ZMAT4: variants seen among roughly 807,000 people sequenced by gnomAD.
The protein encoded by ZMAT4 is zinc finger matrin-type protein 4.
ZMAT4 carries 17 observed loss-of-function variants against 28.7 expected under a neutral mutation model. That is an observed-to-expected ratio of 0.59 (90% CI 0.41 to 0.89). ZMAT4 has a LOEUF of 0.89. Among genes scored for constraint, ZMAT4 ranks in the 40% least tolerant of loss-of-function variants. ZMAT4 has a pLI of 0.00. For synonymous variants in ZMAT4, 117 were observed against 109.2 expected, an observed-to-expected ratio of 1.07 and a Z score of -0.44; for missense variants, 240 against 283.8, an observed-to-expected ratio of 0.85 and a Z score of 1.11.
intron 6 of ZMAT4, among the ~76,000 whole-genome samples, chr8:40,567,835 G>A (rs779770652): frequency 6.6e-6 from 1 of 151,600 alleles, no homozygotes; most frequent in Admixed American, 6.6e-5. Context: ...TTTGTTTTTT[G>A]AAAAAATCCT....
At chr8:40,567,870 T>G (rs1309855838) in intron 6 of ZMAT4, among the ~76,000 whole-genome samples, 1 of 152,190 alleles carries the variant, frequency 6.6e-6, no homozygotes, top group African/African-American at 2.4e-5. Context: ...ATATAGCATT[T>G]ATCAAATGTC....
chr8:40,630,004 T>C (rs1806516646), intron 5 of ZMAT4, among the ~76,000 whole-genome samples: 1 of 152,096 alleles, frequency 6.6e-6, no homozygotes, highest in Non-Finnish European at 1.5e-5. Flanking sequence ...AATGGTTCCT[T>C]TTCAATTTTA....
intron 1 of ZMAT4, among the ~76,000 whole-genome samples, chr8:40,883,785 T>A (rs1237284715): frequency 6.6e-6 from 1 of 152,168 alleles, no homozygotes; most frequent in African/African-American, 2.4e-5. Context: ...GGGTTATTAC[T>A]CACTCTGGGC....
chr8:40,879,630 T>A (rs528981856), intron 1 of ZMAT4, among the ~76,000 whole-genome samples: 2 of 152,208 alleles, frequency 1.3e-5, no homozygotes, highest in Non-Finnish European at 2.9e-5. Flanking sequence ...TTTCTTTCTG[T>A]AATTTTTATT....
Position 40,557,401 on chromosome 8 carries a change from C to T in ZMAT4, c.674+23764G>A, listed in dbSNP as rs182367440. Among the ~76,000 whole-genome samples the T allele has an allele frequency of 8.5e-4, 130 of 152,270 alleles. 1 individual carries two copies. The South Asian group carries it at 0.012, about 14-fold the overall frequency. ...GCTAATGTCTCAGGCTTATGTCTTTCCTCTCTGCATTCCAGGGTTTTTTCT... is the reference window on the plus strand; with the variant it reads ...GCTAATGTCTCAGGCTTATGTCTTTTCTCTCTGCATTCCAGGGTTTTTTCT... On this transcript the variant is annotated intron_variant, in intron 6 of 6. Coordinates refer to ENST00000297737, the MANE Select transcript of ZMAT4 (RefSeq NM_024645.3).
intron 3 of ZMAT4, among the ~76,000 whole-genome samples, chr8:40,751,589 A>G (rs1812452958): frequency 6.6e-6 from 1 of 152,022 alleles, no homozygotes; most frequent in African/African-American, 2.4e-5. Context: ...TGGGAATTAC[A>G]TTTCAACCTG....
chr8:40,806,075 T>C (rs1322069471), intron 2 of ZMAT4, among the ~76,000 whole-genome samples: 1 of 152,230 alleles, frequency 6.6e-6, no homozygotes, highest in Non-Finnish European at 1.5e-5. Context: ...GAACATTTCA[T>C]CTTTATACCT....
intron 5 of ZMAT4, 100 bp downstream of exon 5, chr8:40,674,604 A>C (rs1388725921): frequency 1.0e-6 from 1 of 971,096 alleles, no homozygotes; most frequent in East Asian, 2.4e-5. Context: ...CTTTTTCCTT[A>C]ATAATTAAAG....
chr8:40,629,081 A>G (rs1395909053), intron 5 of ZMAT4, among the ~76,000 whole-genome samples: 1 of 149,550 alleles, frequency 6.7e-6, no homozygotes, highest in Non-Finnish European at 1.5e-5. Flanking sequence ...GACTCCTAAT[A>G]GTTTACTTAA....
chr8:40,693,228 C>T (rs1809730566), intron 4 of ZMAT4, among the ~76,000 whole-genome samples: 1 of 152,098 alleles, frequency 6.6e-6, no homozygotes, highest in Admixed American at 6.6e-5. Context: ...TCAATCCTCC[C>T]ACCTCAGCCT....
intron 2 of ZMAT4, among the ~76,000 whole-genome samples, chr8:40,777,702 T>A (rs1376454420): frequency 1.3e-5 from 2 of 151,828 alleles, no homozygotes; most frequent in Non-Finnish European, 2.9e-5. Flanking sequence ...TCGAGTGAGG[T>A]TTAGTCTGTG....
chr8:40,894,976 A>C (rs1254318859), intron 1 of ZMAT4, among the ~76,000 whole-genome samples: 3 of 152,246 alleles, frequency 2.0e-5, no homozygotes, highest in African/African-American at 7.2e-5. Flanking sequence ...ACAAAATGAC[A>C]AGATCAAAGT....
chr8:40,776,628 C>T (rs529467383), intron 2 of ZMAT4, among the ~76,000 whole-genome samples: 1 of 152,238 alleles, frequency 6.6e-6, no homozygotes, highest in Admixed American at 6.5e-5. Flanking sequence ...GGGAAAAAAG[C>T]ACTATTTCCC....
At chr8:40,798,697 C>T (rs1814694903) in intron 2 of ZMAT4, among the ~76,000 whole-genome samples, 1 of 152,216 alleles carries the variant, frequency 6.6e-6, no homozygotes, top group South Asian at 2.1e-4. Context: ...CCCAGAGCAG[C>T]ACTCGGCTGA....
At position 40,794,494 on chromosome 8, in the gene ZMAT4, G is replaced by C. The variant is rs146425069; in HGVS notation, c.103-26764C>G. ...TCTCTACAGAATAGCCCACAGTCCT[G>C]CTTCTCTATCAGCCTTCTTCCGGGG... On this transcript the variant is annotated intron_variant, in intron 2 of 6. Coordinates refer to ENST00000297737, the MANE Select transcript of ZMAT4 (RefSeq NM_024645.3). 4.7e-3 allele frequency among the ~76,000 whole-genome samples: 714 copies of C among 152,290 alleles called. 6 individuals carry two copies. Among genetic ancestry groups the C allele is most frequent in the African/African-American group, 0.016 (663 of 41,554 alleles).
chr8:40,820,756 C>T (rs139426431), intron 2 of ZMAT4, among the ~76,000 whole-genome samples: 1 of 124 alleles, frequency 8.1e-3, no homozygotes. Flanking sequence ...TGCATTTGTG[C>T]ATATGCATGT....
At chr8:40,536,651 C>A (rs1802856541) in intron 6 of ZMAT4, among the ~76,000 whole-genome samples, 1 of 151,980 alleles carries the variant, frequency 6.6e-6, no homozygotes, top group Admixed American at 6.6e-5. Flanking sequence ...GGAAACTCAT[C>A]CCCCACCTCT....
At chr8:40,607,363 C>T (rs1370449516) in intron 5 of ZMAT4, among the ~76,000 whole-genome samples, 1 of 152,010 alleles carries the variant, frequency 6.6e-6, no homozygotes, top group Non-Finnish European at 1.5e-5. Context: ...GATCTCCTGA[C>T]CTCGTGATCT....
At chr8:40,555,912 T>G (rs1803518698) in intron 6 of ZMAT4, among the ~76,000 whole-genome samples, 1 of 152,170 alleles carries the variant, frequency 6.6e-6, no homozygotes, top group Non-Finnish European at 1.5e-5. Flanking sequence ...CCGACTGCCT[T>G]GGCTAAGGTC....
Sources: allele counts gnomAD v4.1 joint callset (sites outside exome capture counted in the v4.1 genomes callset), GRCh38; gene constraint gnomAD v4.1.1; transcripts MANE v1.5; gene names NCBI Gene and HGNC (gene_info 2026-07-23, HGNC 2026-07-21).